The following INTS11 variants were observed in gnomAD, a reference collection of about 807,000 sequenced individuals.
INTS11 encodes the protein integrator complex subunit 11, also known as CPSF3-like protein.
INTS11 carries 77 observed loss-of-function variants against 78.6 expected under a neutral mutation model. The observed-to-expected ratio is 0.98, with a 90% CI of 0.81 to 1.18. The LOEUF (loss-of-function observed/expected upper bound fraction) is 1.18, where lower values mean the gene tolerates loss of function less well. Among genes scored for constraint, INTS11 ranks in the 50% most tolerant of loss-of-function variants. The probability of loss-of-function intolerance (pLI) is 0.00; values close to 1 mark genes in which losing one functional copy is unlikely to be tolerated. For synonymous variants in INTS11, 441 were observed against 326.9 expected, an observed-to-expected ratio of 1.35 and a Z score of -3.77; for missense variants, 875 against 825.9, an observed-to-expected ratio of 1.06 and a Z score of -0.73.
chr1:1,313,648 AC>A, intron 9 of INTS11, 56 bp from the exon 10 acceptor site: 2 of 1,610,646 alleles, frequency 1.2e-6, no homozygotes, highest in Non-Finnish European at 1.7e-6. Flanking sequence ...CCCCACCCCC[AC>A]TGCAGGCCCA....
At position 1,315,847 on chromosome 1, in the gene INTS11, G is replaced by A. The variant is rs773493773; in HGVS notation, c.430-229C>T. ...GGGGGGCGGGGGCAGGGAGGGAGGC[G>A]GGGCGGGGAGCGAGGGCACTGCACT... On this transcript the variant is annotated intron_variant, in intron 4 of 16. Transcript: ENST00000435064. 1.5e-3 allele frequency: 622 copies of A among 414,128 alleles called. 6 individuals are homozygous for A. The highest frequency in any genetic ancestry group is 1.9e-3 in the Admixed American group (46 of 24,666). 25.7% of individuals were successfully genotyped at this position (414,128 alleles called of 1,614,324 possible). A position where few individuals can be genotyped will look rare whatever the true frequency, so the allele number is the denominator to read the frequency against.
At chr1:1,311,987 T>G (rs367622194) in intron 16 of INTS11, 31 bp downstream of exon 16, 24 of 1,587,590 alleles carry the variant, frequency 1.5e-5, no homozygotes, top group Middle Eastern at 1.7e-4. Context: ...ATACCTGTGT[T>G]GACCGCGGTG....
chr1:1,323,876 G>A (rs1569587456), intron 1 of INTS11, among the ~76,000 whole-genome samples: 1 of 38,576 alleles, frequency 2.6e-5, no homozygotes, highest in Admixed American at 3.0e-4. Flanking sequence ...CGGGGCTGGG[G>A]GGCTGAGGGG....
At position 1,311,693 on chromosome 1, in the gene INTS11, TCAGCTGCAAA is replaced by T. The variant is rs1402413062; in HGVS notation, c.*156_*165del. The T allele has an allele frequency of 1.3e-6, 1 of 765,172 alleles. No homozygotes were observed. Among genetic ancestry groups the T allele is most frequent in the South Asian group, 1.6e-5 (1 of 61,692 alleles). The allele number at this position is 765,172 out of a possible 1,614,324, so 47.4% of individuals were successfully genotyped here. On this transcript the variant is annotated 3_prime_UTR_variant, in exon 17 of 17. Coordinates refer to ENST00000435064, the MANE Select transcript of INTS11 (RefSeq NM_017871.6). Reference sequence around the variant, plus strand: ...ACAGCCTGGAGACCAGTTTGTTTCTTCAGCTGCAAACAGCTGCCTGGGCAGGCAGGTGACA... The same window carrying T: ...ACAGCCTGGAGACCAGTTTGTTTCTTCAGCTGCCTGGGCAGGCAGGTGACA...
At chr1:1,318,865 C>T (rs761509116) in intron 4 of INTS11, 7 of 653,396 alleles carry the variant, frequency 1.1e-5, no homozygotes, top group East Asian at 2.8e-5. Flanking sequence ...TTAACCTTCA[C>T]TTCTTCCCTG....
intron 4 of INTS11, chr1:1,318,760 C>T (rs186657270): frequency 3.4e-4 from 178 of 524,740 alleles, no homozygotes; most frequent in African/African-American, 3.1e-3. Context: ...AATATAGTTT[C>T]AAGAAATATA....
intron 1 of INTS11, among the ~76,000 whole-genome samples, chr1:1,322,377 A>C (rs2100639301): frequency 6.6e-6 from 1 of 150,708 alleles, no homozygotes; most frequent in South Asian, 2.1e-4. Context: ...AGGAGGAGAT[A>C]TCCCTGTCAG....
At position 1,314,020 on chromosome 1, in the gene INTS11, C is replaced by G. The variant is rs1297307265; in HGVS notation, c.768-99G>C. 11 of 1,243,950 alleles carry G rather than the reference C, an allele frequency of 8.8e-6. No individual in the cohort carries two copies. The highest frequency in any genetic ancestry group is 1.3e-5 in the Non-Finnish European group (11 of 874,058). 77.1% of individuals were successfully genotyped at this position (1,243,950 alleles called of 1,614,324 possible). The stretch of plus-strand genomic sequence containing the variant: ...CCCCAACACCCGTGTCTGCACAGCC[C>G]ACGCACGGGCCAGGTTGAGTCCAGT... On this transcript the variant is annotated intron_variant, in intron 8 of 16. Transcript: ENST00000435064. The surrounding 1 kb of genome is among the most constrained non-coding windows in gnomAD (Gnocchi z 4.2).
At chr1:1,318,891 C>G in intron 4 of INTS11, 1 of 690,354 alleles carries the variant, frequency 1.4e-6, no homozygotes, top group South Asian at 1.5e-5. Context: ...CACCCAGAAC[C>G]AGGCACCCTC....
rs551628939 is a variant in INTS11 at position 1,314,259 on chromosome 1, C to T, written c.767+42G>A. 1.4e-4 allele frequency: 214 copies of T among 1,535,888 alleles called. 3 individuals carry two copies. In the South Asian group the frequency reaches 1.8e-3, roughly 13 times the overall value. On this transcript the variant is annotated intron_variant, in intron 8 of 16. Coordinates refer to ENST00000435064, the MANE Select transcript of INTS11 (RefSeq NM_017871.6). The surrounding 1 kb of genome is among the most constrained non-coding windows in gnomAD (Gnocchi z 4.2). ...CCCACCAACTGGACTGTGTTCAGGC[C>T]GGGCCAGGGGCTCCTTAAAGAGCCG...
At position 1,312,149 on chromosome 1, in the gene INTS11, T is replaced by C. The variant is rs372959391; in HGVS notation, c.1608-2A>G. The C allele has an allele frequency of 4.1e-6, 6 of 1,476,290 alleles. No individual in the cohort carries two copies. Among genetic ancestry groups the C allele is most frequent in the Non-Finnish European group, 4.4e-6 (5 of 1,129,912 alleles). The allele number at this position is 1,476,290 out of a possible 1,614,324, so 91.4% of individuals were successfully genotyped here. On this transcript the variant is annotated splice_acceptor_variant, in intron 15 of 16. Coordinates refer to ENST00000435064, the MANE Select transcript of INTS11 (RefSeq NM_017871.6). LOFTEE classifies it high-confidence loss of function. Reference sequence around the variant, plus strand: ...TGCACACAGTGGTCCTTCAGGACGCTGTGGGGAGGCTCGGTGAGACCCTGC... The same window carrying C: ...TGCACACAGTGGTCCTTCAGGACGCCGTGGGGAGGCTCGGTGAGACCCTGC...
rs574784100 is a variant in INTS11 at position 1,315,630 on chromosome 1, A to G, written c.430-12T>C. On this transcript the variant is annotated splice_polypyrimidine_tract_variant and intron_variant, in intron 4 of 16. Transcript: ENST00000435064. ...AGCTCATCATCTACCTGTGGAGGACAGGGCTGCGCTCAGGCTGTGTCCTCA... is the reference window on the plus strand; with the variant it reads ...AGCTCATCATCTACCTGTGGAGGACGGGGCTGCGCTCAGGCTGTGTCCTCA... 2.0e-6 allele frequency: 3 copies of G among 1,526,646 alleles called. No individual in the cohort carries two copies. Among genetic ancestry groups the G allele is most frequent in the Non-Finnish European group, 2.7e-6 (3 of 1,125,740 alleles). 94.6% of individuals were successfully genotyped at this position (1,526,646 alleles called of 1,614,324 possible). A position where few individuals can be genotyped will look rare whatever the true frequency, so the allele number is the denominator to read the frequency against.
At position 1,312,446 on chromosome 1, in the gene INTS11, C is replaced by T. The variant is rs202118836; in HGVS notation, c.1458G>A (p.Lys486=). Reference sequence around the variant, plus strand: ...AGACCGTCCTGGCACTCACGCTGTCCTTCATGATCAGGGTGCCGTGCAGGA... The same window carrying T: ...AGACCGTCCTGGCACTCACGCTGTCTTTCATGATCAGGGTGCCGTGCAGGA... ...PRLLHGTLIM[K]DSNFRLVSSE... The change falls in exon 14 of 17, where the codon AAG becomes AAA. Residue 486 remains lysine (K), a synonymous_variant. Transcript: ENST00000435064. 72 of 1,570,202 alleles carry T rather than the reference C, an allele frequency of 4.6e-5. No homozygotes were observed. In the Middle Eastern group the frequency reaches 5.1e-4, roughly 11 times the overall value.
chr1:1,313,937 CCA>C lies in INTS11; in HGVS notation c.768-18_768-17del, dbSNP rs1386681962. On this transcript the variant is annotated splice_polypyrimidine_tract_variant and intron_variant, in intron 8 of 16. Transcript: ENST00000435064. Reference sequence around the variant, plus strand: ...CATGCGCTCCCTGGGGACCACCGGCCCAGTCAGCACAGTGGCCACAGGGGAGA... The same window carrying C: ...CATGCGCTCCCTGGGGACCACCGGCCGTCAGCACAGTGGCCACAGGGGAGA... The C allele has an allele frequency of 6.2e-7, 1 of 1,607,154 alleles. No homozygotes were observed. Among genetic ancestry groups the C allele is most frequent in the Non-Finnish European group, 8.5e-7 (1 of 1,175,888 alleles).
At position 1,315,507 on chromosome 1, in the gene INTS11, C is replaced by T; in HGVS notation, c.528+13G>A. On this transcript the variant is annotated intron_variant, in intron 5 of 16. Transcript: ENST00000435064. ...CCAGCAGCCCCTCCCAAGCCTCAAG[C>T]CCTTCCACTGACCGTGTAGACCACA... The T allele has an allele frequency of 9.9e-6, 16 of 1,612,928 alleles. No individual in the cohort carries two copies. Among genetic ancestry groups the T allele is most frequent in the Non-Finnish European group, 1.4e-5 (16 of 1,179,788 alleles).
intron 3 of INTS11, chr1:1,320,052 G>A (rs1642853072): frequency 4.5e-6 from 1 of 223,968 alleles, no homozygotes; most frequent in South Asian, 6.5e-5. Flanking sequence ...AAGGGCAGGG[G>A]GCCAGCAGGA....
At chr1:1,319,003 G>T (rs1642782756) in intron 4 of INTS11, 2 of 717,440 alleles carry the variant, frequency 2.8e-6, no homozygotes, top group South Asian at 3.0e-5. Flanking sequence ...GAGGGCACCA[G>T]CCTGTCCCAC....
chr1:1,312,302 A>G lies in INTS11; in HGVS notation c.1531T>C (p.Phe511Leu). 2 of 1,550,734 alleles carry G rather than the reference A, an allele frequency of 1.3e-6. No individual in the cohort carries two copies. The highest frequency in any genetic ancestry group is 1.7e-6 in the Non-Finnish European group (2 of 1,147,270). The change falls in exon 15 of 17, where the codon TTC (phenylalanine) becomes CTC (leucine). Residue 511 changes from phenylalanine (F) to leucine (L), a missense_variant. Transcript: ENST00000435064. Reference protein sequence around the residue: ...ELGLAEHQLRFTCRVHLHDTR... With the variant: ...ELGLAEHQLRLTCRVHLHDTR... ...TCATGCAGGTGCACGCGGCAGGTGA[A>G]GCGCAGCTGGTGCTCAGCCAGACCC...
Position 1,312,114 on chromosome 1 carries a change from T to C in INTS11, c.1641A>G (p.Pro547=), listed in dbSNP as rs12103. ...CGGACTCCACAGTCACAGAGCCGTC[T>C]GGGAGGTGCTGCACACAGTGGTCCT... is the stretch of plus-strand genomic sequence containing the variant. The part of the protein sequence containing the change: ...VLKDHCVQHL[P]DGSVTVESVL... The change falls in exon 16 of 17, where the codon CCA becomes CCG. Residue 547 remains proline (P), a synonymous_variant. Transcript: ENST00000435064. 1,121,146 of 1,568,016 alleles carry C rather than the reference T, an allele frequency of 0.72. 435,138 individuals are homozygous for C. The highest frequency in any genetic ancestry group is 0.81 in the Non-Finnish European group (938,396 of 1,159,700).
Sources: gnomAD v4.1 joint callset for allele counts (sites outside exome capture counted in the v4.1 genomes callset) on GRCh38, gnomAD v4.1.1 for gene constraint, Gnocchi (gnomAD v3.1) non-coding constraint, MANE v1.5 for transcripts, NCBI Gene and HGNC (gene_info 2026-07-23, HGNC 2026-07-21) for gene names.